SENP1: variants seen among roughly 807,000 people sequenced by gnomAD.
SENP1 encodes sentrin-specific protease 1.
Under a neutral mutation model 93.0 loss-of-function variants are expected in SENP1, and 21 were observed. The observed-to-expected ratio is 0.23, with a 90% CI of 0.16 to 0.33. SENP1 has a LOEUF of 0.33. Ranked by LOEUF, SENP1 falls within the 10% of genes least tolerant of loss-of-function variation. SENP1 has a pLI of 1.00. For synonymous variants in SENP1, 256 were observed against 259.6 expected, an observed-to-expected ratio of 0.99 and a Z score of 0.13; for missense variants, 591 against 758.7, an observed-to-expected ratio of 0.78 and a Z score of 2.60.
At chr12:48,093,702 A>G (rs562653373) in intron 4 of SENP1, among the ~76,000 whole-genome samples, 2 of 144,288 alleles carry the variant, frequency 1.4e-5, no homozygotes, top group South Asian at 4.4e-4. Context: ...CATGAATTAG[A>G]AATGAGCAGA....
intron 1 of SENP1, among the ~76,000 whole-genome samples, chr12:48,104,220 G>GAAAAAA (rs772256640): frequency 1.3e-4 from 13 of 101,028 alleles, no homozygotes; most frequent in African/African-American, 4.5e-4. Context: ...AAAAAAAGAA[G>GAAAAAA]AAAAAAATAT....
At chr12:48,061,743 A>G (rs547737837) in intron 13 of SENP1, among the ~76,000 whole-genome samples, 5 of 152,196 alleles carry the variant, frequency 3.3e-5, no homozygotes, top group Non-Finnish European at 5.9e-5. Context: ...TCAATACTTA[A>G]GGATACCTAA....
At chr12:48,089,219 A>G (rs1284830758) in intron 4 of SENP1, 3 of 1,466,504 alleles carry the variant, frequency 2.0e-6, no homozygotes, top group Admixed American at 3.6e-5. Flanking sequence ...ATCTGCATCA[A>G]TGTGACTCCG....
intron 8 of SENP1, among the ~76,000 whole-genome samples, chr12:48,073,493 G>A (rs1346421125): frequency 2.6e-5 from 4 of 151,818 alleles, no homozygotes; most frequent in African/African-American, 7.3e-5. Flanking sequence ...AATCCCTGAT[G>A]TTTAACCATT....
At position 48,063,767 on chromosome 12, in the gene SENP1, C is replaced by G. The variant is rs757402567; in HGVS notation, c.1350G>C (p.Leu450=). Residue 450 remains leucine, a synonymous_variant, in exon 13 of 18, where the codon CTG becomes CTC. Transcript: ENST00000549518. The stretch of plus-strand genomic sequence containing the variant: ...TTTGAATATCTTTGCGTGTAATGGT[C>G]AGGCGAAATGCTTCACTGAGAACTT... ...QDEVLSEAFR[L]TITRKDIQTL... The G allele has an allele frequency of 4.3e-6, 7 of 1,613,110 alleles. No homozygotes were observed. The highest frequency in any genetic ancestry group is 5.9e-6 in the Non-Finnish European group (7 of 1,179,406).
chr12:48,073,287 T>C (rs1943840418), intron 8 of SENP1, among the ~76,000 whole-genome samples: 1 of 151,612 alleles, frequency 6.6e-6, no homozygotes, highest in Non-Finnish European at 1.5e-5. Flanking sequence ...TTTGGCTTTT[T>C]TTTTTCCTTT....
At chr12:48,100,979 G>GT (rs1209028249) in intron 2 of SENP1, among the ~76,000 whole-genome samples, 1 of 152,188 alleles carries the variant, frequency 6.6e-6, no homozygotes, top group East Asian at 1.9e-4. Context: ...TATAAACAAT[G>GT]TTCTAACCAA....
At position 48,048,993 on chromosome 12, in the gene SENP1, A is replaced by G. The variant is rs1941580369; in HGVS notation, c.1547T>C (p.Val516Ala). 1.9e-6 allele frequency: 3 copies of G among 1,613,614 alleles called. No individual in the cohort carries two copies. The highest frequency in any genetic ancestry group is 3.3e-5 in the Admixed American group (2 of 59,966). The change falls in exon 14 of 18, where the codon GTA (valine) becomes GCA (alanine). Residue 516 changes from valine to alanine, a missense_variant. By Grantham distance (64) the Val-to-Ala change is moderately conservative. Coordinates refer to ENST00000549518, the MANE Select transcript of SENP1 (RefSeq NM_001267594.2). ...YQAVKRWTKK[V>A]DVFSVDILLV... The stretch of plus-strand genomic sequence containing the variant: ...AAGAATGTCAACAGAAAATACATCT[A>G]CTTTCTTTGTCCAACGTTTCACTGC...
intron 5 of SENP1, chr12:48,085,339 C>T: frequency 6.9e-7 from 1 of 1,452,192 alleles, no homozygotes; most frequent in Non-Finnish European, 9.7e-7. Flanking sequence ...GAGATCCCCT[C>T]CAAGGAGCAC....
In SENP1 at chr12:48,065,160, G is replaced by A; in HGVS notation, c.1180C>T (p.Leu394Phe). 6.2e-7 allele frequency: 1 copy of A among 1,609,132 alleles called. No homozygotes were observed. The highest frequency in any genetic ancestry group is 8.5e-7 in the Non-Finnish European group (1 of 1,175,868). The change falls in exon 12 of 18, where the codon CTT becomes TTT. Residue 394 changes from leucine (L) to phenylalanine (F), a missense_variant. Physicochemically the swap from Leu to Phe is conservative, Grantham distance 22. This residue lies in a region of SENP1 where 238 missense variants were observed against 259.1 expected (regional missense o/e 0.92). Transcript: ENST00000549518. ...DSVELHLRVPLEKEIPVTVVQ... is the reference protein window; with the variant it reads ...DSVELHLRVPFEKEIPVTVVQ... The stretch of plus-strand genomic sequence containing the variant: ...ACAGTAACAGGAATCTCCTTTTCAA[G>A]AGGTACACGAAGATGTAGTTCTACT...
chr12:48,069,066 T>C (rs1292720915), intron 9 of SENP1, among the ~76,000 whole-genome samples: 1 of 131,720 alleles, frequency 7.6e-6, no homozygotes, highest in African/African-American at 2.9e-5. Context: ...GGCACGAGAA[T>C]CACTTGAACC....
At chr12:48,048,207 AT>A in intron 14 of SENP1, 127 bp from the exon 15 acceptor site, 2 of 638,098 alleles carry the variant, frequency 3.1e-6, no homozygotes, top group Admixed American at 2.7e-5. Context: ...TTTGACTGAT[AT>A]TTTGCATTAT....
At chr12:48,048,386 A>G (rs964613998) in intron 14 of SENP1, among the ~76,000 whole-genome samples, 4 of 152,244 alleles carry the variant, frequency 2.6e-5, no homozygotes, top group Non-Finnish European at 5.9e-5. Context: ...TTCAGGGAAT[A>G]TAAGGTGAGT....
chr12:48,085,715 CAA>C (rs200416260), intron 5 of SENP1, among the ~76,000 whole-genome samples: 1,746 of 116,190 alleles, frequency 0.015, 23 homozygotes, highest in African/African-American at 0.054. Context: ...TTGCTTCTCT[CAA>C]AAAAAAAAAA....
chr12:48,086,144 G>C (rs547467602), intron 5 of SENP1, among the ~76,000 whole-genome samples: 4 of 152,126 alleles, frequency 2.6e-5, no homozygotes, highest in Non-Finnish European at 5.9e-5. Context: ...AAAAGGAACA[G>C]ACAAATTCAT....
intron 8 of SENP1, among the ~76,000 whole-genome samples, chr12:48,072,310 T>C (rs1163290183): frequency 6.6e-6 from 1 of 152,212 alleles, no homozygotes; most frequent in Non-Finnish European, 1.5e-5. Context: ...ACTGTCTCAG[T>C]ATAGCAGTGC....
At chr12:48,078,713 CA>C (rs1592399897) in intron 6 of SENP1, among the ~76,000 whole-genome samples, 2 of 152,086 alleles carry the variant, frequency 1.3e-5, no homozygotes, top group East Asian at 3.9e-4. Flanking sequence ...CTTCCTTTCC[CA>C]AAAGAACACA....
chr12:48,100,665 C>T (rs906189028), intron 2 of SENP1, among the ~76,000 whole-genome samples: 15 of 151,412 alleles, frequency 9.9e-5, no homozygotes, highest in African/African-American at 2.4e-4. Context: ...AAAAAAAGAA[C>T]GAGAACTCTA....
chr12:48,104,800 C>T (rs531196191), intron 1 of SENP1, among the ~76,000 whole-genome samples: 1 of 152,342 alleles, frequency 6.6e-6, no homozygotes, highest in South Asian at 2.1e-4. Flanking sequence ...TGTACCCATC[C>T]ACTCCCTCTA....
Sources: allele counts gnomAD v4.1 joint callset (sites outside exome capture counted in the v4.1 genomes callset), GRCh38; gene constraint gnomAD v4.1.1; regional missense constraint gnomAD v4.1.1; transcripts MANE v1.5; gene names NCBI Gene and HGNC (gene_info 2026-07-23, HGNC 2026-07-21).